DNAH11: variants seen among roughly 807,000 people sequenced by gnomAD.
The protein encoded by DNAH11 is dynein axonemal heavy chain 11.
Under a neutral mutation model 526.0 loss-of-function variants are expected in DNAH11, and 442 were observed. That is an observed-to-expected ratio of 0.84 (90% CI 0.78 to 0.91). DNAH11 has a LOEUF of 0.91. Among genes scored for constraint, DNAH11 ranks in the 40% least tolerant of loss-of-function variants. The pLI is 0.00. For synonymous variants in DNAH11, 2,461 were observed against 1,935.9 expected (o/e 1.27, Z -7.12); for missense variants, 6,989 against 5,448.7 (o/e 1.28, Z -8.90).
At chr7:21,758,914 A>T (rs1786758701) in intron 54 of DNAH11, among the ~76,000 whole-genome samples, 1 of 152,222 alleles carries the variant, frequency 6.6e-6, no homozygotes. Context: ...GTCAGCAGAA[A>T]CACCATCTAC....
rs1784222059 is a variant in DNAH11, at chr7:21,705,313, A to G, written c.6469-147A>G. The G allele has an allele frequency of 5.7e-6, 4 of 703,252 alleles. No individual in the cohort carries two copies. In the South Asian group the frequency reaches 5.8e-5, roughly 10 times the overall value. The allele number at this position is 703,252 out of a possible 1,614,324, so 43.6% of individuals were successfully genotyped here. The stretch of plus-strand genomic sequence containing the variant: ...CCAGGAAAAACTATACTTTTCACTT[A>G]TGGTCTATTTTAACTTTCTCTGAAC... On this transcript the variant is annotated intron_variant, in intron 38 of 81. Coordinates refer to ENST00000409508, the MANE Select transcript of DNAH11 (RefSeq NM_001277115.2).
chr7:21,867,878 C>G lies in DNAH11; in HGVS notation c.11710C>G (p.Leu3904Val). 6.3e-7 allele frequency: 1 copy of G among 1,576,286 alleles called. No individual in the cohort carries two copies. The highest frequency in any genetic ancestry group is 8.6e-7 in the Non-Finnish European group (1 of 1,159,660). ...YALRNFVEEK[L>V]GAKYVERTRL... ...TTATAGAAATTTTGTAGAGGAAAAA[C>G]TGGGTGCGAAGTATGTGGAGAGGAC... Residue 3904 changes from leucine to valine, a missense_variant, in exon 72 of 82, where the codon CTG (leucine) becomes GTG (valine). Leu to Val is a conservative substitution (Grantham distance 32). Transcript: ENST00000409508.
intron 14 of DNAH11, 114 bp downstream of exon 14, chr7:21,591,691 T>C: frequency 8.9e-7 from 1 of 1,126,512 alleles, no homozygotes; most frequent in Non-Finnish European, 1.2e-6. Flanking sequence ...AAGAGCTTTA[T>C]GAATGGTATT....
chr7:21,739,678 G>A lies in DNAH11; in HGVS notation c.7914+5G>A. 3 of 1,606,758 alleles carry A rather than the reference G, an allele frequency of 1.9e-6. No individual in the cohort carries two copies. Among genetic ancestry groups the A allele is most frequent in the East Asian group, 2.2e-5 (1 of 44,810 alleles). ...ACCATCAATCCCAGGCTACAGGTAG[G>A]GTGTTGAATACTGCTCTCAAAAACT... is the stretch of plus-strand genomic sequence containing the variant. On this transcript the variant is annotated splice_donor_5th_base_variant and intron_variant, in intron 48 of 81. Coordinates refer to ENST00000409508, the MANE Select transcript of DNAH11 (RefSeq NM_001277115.2).
In DNAH11 at chr7:21,744,861, A is replaced by T; in HGVS notation, c.8317-9A>T. 1 of 1,600,926 alleles carries T rather than the reference A, an allele frequency of 6.2e-7. No homozygotes were observed. The highest frequency in any genetic ancestry group is 1.7e-5 in the Admixed American group (1 of 57,304). The stretch of plus-strand genomic sequence containing the variant: ...GACATGCCATATTTTTCTCTTTCTC[A>T]TCCTGCAGGGTATAGATAGTCACAT... On this transcript the variant is annotated splice_polypyrimidine_tract_variant and intron_variant, in intron 50 of 81. Transcript: ENST00000409508.
intron 65 of DNAH11, among the ~76,000 whole-genome samples, chr7:21,821,451 T>C (rs891058440): frequency 6.6e-6 from 1 of 152,176 alleles, no homozygotes; most frequent in Admixed American, 6.5e-5. Context: ...TTGCCTCTGC[T>C]CTTTTCCCAT....
intron 34 of DNAH11, among the ~76,000 whole-genome samples, chr7:21,690,371 C>T (rs13225282): frequency 0.048 from 7,309 of 151,914 alleles, 266 homozygotes; most frequent in Non-Finnish European, 0.073. Flanking sequence ...CTGAGCAGGA[C>T]GTCCCTTTCT....
Position 21,683,791 on chromosome 7 carries a change from G to T in DNAH11, c.5468G>T (p.Ser1823Ile). 1 of 1,605,960 alleles carries T rather than the reference G, an allele frequency of 6.2e-7. No individual in the cohort carries two copies. The highest frequency in any genetic ancestry group is 8.5e-7 in the Non-Finnish European group (1 of 1,175,696). Residue 1823 changes from serine to isoleucine, a missense_variant, in exon 32 of 82, where the codon AGT becomes ATT. Physicochemically the swap from Ser to Ile is moderately radical, Grantham distance 142 (BLOSUM62 -2). Transcript: ENST00000409508. Reference sequence around the variant, plus strand: ...ATTATGCAATGCCTTTAGGTTGTCAGTCCCCAAGCTTTTACATGGCTGTCT... The same window carrying T: ...ATTATGCAATGCCTTTAGGTTGTCATTCCCCAAGCTTTTACATGGCTGTCT... ...VAKLISQKVV[S>I]PQAFTWLSQL...
At chr7:21,711,494 T>C (rs551126342) in intron 41 of DNAH11, among the ~76,000 whole-genome samples, 8 of 152,354 alleles carry the variant, frequency 5.3e-5, no homozygotes, top group South Asian at 2.1e-4. Flanking sequence ...ACTACAATTA[T>C]GTAAAGGTCG....
At chr7:21,831,773 C>T (rs1781783804) in intron 65 of DNAH11, among the ~76,000 whole-genome samples, 1 of 152,152 alleles carries the variant, frequency 6.6e-6, no homozygotes, top group Admixed American at 6.5e-5. Flanking sequence ...AACTCAGATA[C>T]TTGATTAAAC....
chr7:21,680,474 C>G (rs1783092848), intron 30 of DNAH11, among the ~76,000 whole-genome samples: 1 of 152,328 alleles, frequency 6.6e-6, no homozygotes, highest in South Asian at 2.1e-4. Context: ...AAGACAGCAT[C>G]TTTCAAACCT....
At chr7:21,672,139 G>T (rs542609458) in intron 30 of DNAH11, among the ~76,000 whole-genome samples, 5 of 152,164 alleles carry the variant, frequency 3.3e-5, no homozygotes, top group Admixed American at 3.3e-4. Flanking sequence ...CAAGATGAGA[G>T]GTCCTCGTTG....
chr7:21,851,994 C>T (rs1226458007), intron 66 of DNAH11, among the ~76,000 whole-genome samples: 18 of 152,002 alleles, frequency 1.2e-4, no homozygotes, highest in Admixed American at 1.1e-3. Context: ...TCTTAACATA[C>T]CTTCTGAAGT....
intron 28 of DNAH11, among the ~76,000 whole-genome samples, chr7:21,653,772 T>C (rs1220058960): frequency 6.6e-6 from 1 of 152,230 alleles, no homozygotes; most frequent in African/African-American, 2.4e-5. Context: ...ACTCATCTAT[T>C]TGAAACTCGG....
intron 36 of DNAH11, among the ~76,000 whole-genome samples, chr7:21,702,259 T>C (rs1384109533): frequency 6.6e-6 from 1 of 152,112 alleles, no homozygotes; most frequent in Non-Finnish European, 1.5e-5. Context: ...GGCAGAAGTA[T>C]CTGATTAAGA....
chr7:21,737,670 G>T (rs139975384), intron 46 of DNAH11, among the ~76,000 whole-genome samples: 1 of 152,296 alleles, frequency 6.6e-6, no homozygotes, highest in East Asian at 1.9e-4. Flanking sequence ...CCATTTATAG[G>T]CTGTGGTTGG....
rs1017444476 is a variant in DNAH11 at position 21,861,851 on chromosome 7, A to G, written c.11203-2A>G. ...TTTTAATGGTCACATTAAATTTCCC[A>G]GGCTTTTAACGTGCTGTTCCACAGA... On this transcript the variant is annotated splice_acceptor_variant, in intron 68 of 81. Transcript: ENST00000409508. LOFTEE classifies it high-confidence loss of function. The G allele has an allele frequency of 2.5e-6, 4 of 1,609,390 alleles. No homozygotes were observed. The highest frequency in any genetic ancestry group is 3.4e-6 in the Non-Finnish European group (4 of 1,178,378).
At chr7:21,557,989 T>G (rs1024103380) in intron 2 of DNAH11, among the ~76,000 whole-genome samples, 1 of 152,208 alleles carries the variant, frequency 6.6e-6, no homozygotes, top group African/African-American at 2.4e-5. Context: ...CATTCAAAAA[T>G]GAAAGTGAAT....
chr7:21,783,119 C>G (rs1788025504), intron 57 of DNAH11, among the ~76,000 whole-genome samples: 2 of 152,044 alleles, frequency 1.3e-5, no homozygotes, highest in Admixed American at 1.3e-4. Context: ...CTCACATAAA[C>G]TCTTTTATCT....
Sources: gnomAD v4.1 joint callset for allele counts (sites outside exome capture counted in the v4.1 genomes callset) on GRCh38, gnomAD v4.1.1 for gene constraint, MANE v1.5 for transcripts, NCBI Gene and HGNC (gene_info 2026-07-23, HGNC 2026-07-21) for gene names.